Variants in OSBPL6 observed in about 807,000 individuals in gnomAD.
OSBPL6 encodes oxysterol-binding protein-related protein 6.
In OSBPL6, 49 loss-of-function variants were observed where a neutral mutation model predicts 125.8. The ratio of observed to expected loss-of-function variants is 0.39; its 90% CI spans 0.31 to 0.49. OSBPL6 has a LOEUF of 0.49. Ranked by LOEUF, OSBPL6 falls within the 20% of genes least tolerant of loss-of-function variation. OSBPL6 has a pLI of 0.88. For missense variants in OSBPL6, 986 were observed against 1,135.4 expected (o/e 0.87, Z 1.89); for synonymous variants, 394 against 391.8 (o/e 1.01, Z -0.07).
intron 15 of OSBPL6, among the ~76,000 whole-genome samples, chr2:178,381,092 A>G (rs1356804735): frequency 6.6e-6 from 1 of 152,152 alleles, no homozygotes; most frequent in African/African-American, 2.4e-5. Flanking sequence ...AAAATACAGC[A>G]TTGTTTCCAT....
At chr2:178,340,027 A>G (rs1434681001) in intron 11 of OSBPL6, among the ~76,000 whole-genome samples, 2 of 152,182 alleles carry the variant, frequency 1.3e-5, no homozygotes, top group Non-Finnish European at 2.9e-5. Context: ...ATAGCCTTTG[A>G]ACCATTAAAA....
At chr2:178,218,038 G>T (rs868123009) in intron 1 of OSBPL6, among the ~76,000 whole-genome samples, 2 of 152,250 alleles carry the variant, frequency 1.3e-5, no homozygotes, top group South Asian at 4.1e-4. Flanking sequence ...GACGTTCTTT[G>T]TACTGTTCTG....
intron 8 of OSBPL6, 62 bp downstream of exon 8, chr2:178,333,103 C>G: frequency 6.3e-7 from 1 of 1,577,032 alleles, no homozygotes; most frequent in Non-Finnish European, 8.7e-7. Flanking sequence ...CAAATTTTGG[C>G]CAGGCACTGT....
At chr2:178,305,797 G>C (rs964280804) in intron 2 of OSBPL6, among the ~76,000 whole-genome samples, 1 of 149,410 alleles carries the variant, frequency 6.7e-6, no homozygotes, top group African/African-American at 2.5e-5. Context: ...CAAGAGGAGA[G>C]AATATGACTT....
At chr2:178,204,170 C>A (rs1483741591) in intron 1 of OSBPL6, among the ~76,000 whole-genome samples, 1 of 151,972 alleles carries the variant, frequency 6.6e-6, no homozygotes, top group East Asian at 1.9e-4. Flanking sequence ...ACTACGGGTG[C>A]ATGCCACCAC....
chr2:178,343,126 T>C (rs964503308), intron 11 of OSBPL6, among the ~76,000 whole-genome samples: 1 of 152,194 alleles, frequency 6.6e-6, no homozygotes, highest in African/African-American at 2.4e-5. Context: ...AGTTTAAATA[T>C]TTTTCTGACA....
At chr2:178,194,352 G>A (rs1320746447), upstream of OSBPL6, 1 of 152,158 alleles carries the variant, frequency 6.6e-6, no homozygotes, top group African/African-American at 2.4e-5. Flanking sequence ...TGCGCAGCAT[G>A]AGCCCCAGCC....
At chr2:178,238,606 GA>G (rs770340035) in intron 1 of OSBPL6, among the ~76,000 whole-genome samples, 22 of 151,434 alleles carry the variant, frequency 1.5e-4, no homozygotes, top group East Asian at 9.7e-4. Flanking sequence ...TGGGAAGAAG[GA>G]AAAAAAAATT....
intron 1 of OSBPL6, among the ~76,000 whole-genome samples, chr2:178,256,181 T>C (rs895524678): frequency 2.2e-4 from 34 of 152,254 alleles, no homozygotes; most frequent in African/African-American, 7.5e-4. Context: ...AACAAGTTGG[T>C]GTTTAGAGAA....
At chr2:178,194,269 G>A (rs1354716879), upstream of OSBPL6, among the ~76,000 whole-genome samples, 4 of 152,298 alleles carry the variant, frequency 2.6e-5, no homozygotes, top group South Asian at 6.2e-4. Context: ...GTGGGACCCC[G>A]CGTGACCAGG....
chr2:178,226,363 G>C (rs2090562720), intron 1 of OSBPL6, among the ~76,000 whole-genome samples: 1 of 152,010 alleles, frequency 6.6e-6, no homozygotes, highest in Admixed American at 6.5e-5. Context: ...TGGTGCAGTG[G>C]GCAAGGGATG....
chr2:178,261,206 T>C (rs2092049540), intron 1 of OSBPL6, among the ~76,000 whole-genome samples: 1 of 151,386 alleles, frequency 6.6e-6, no homozygotes, highest in African/African-American at 2.4e-5. Flanking sequence ...CTATATAAAG[T>C]TTAAAACTGG....
chr2:178,245,494 G>T (rs996173592), intron 1 of OSBPL6, among the ~76,000 whole-genome samples: 2 of 152,184 alleles, frequency 1.3e-5, no homozygotes, highest in Non-Finnish European at 2.9e-5. Context: ...ATTAAGAGGA[G>T]GCTGGTGCTT....
chr2:178,337,260 T>C (rs1295799269), intron 9 of OSBPL6, among the ~76,000 whole-genome samples: 2 of 152,228 alleles, frequency 1.3e-5, no homozygotes, highest in Non-Finnish European at 2.9e-5. Flanking sequence ...AATTATTTTT[T>C]CTTATAAAAT....
At chr2:178,372,002 T>G (rs1239876930) in intron 13 of OSBPL6, 124 bp from the exon 14 acceptor site, 1 of 621,658 alleles carries the variant, frequency 1.6e-6, no homozygotes, top group African/African-American at 1.9e-5. Flanking sequence ...TGGCTCATGA[T>G]GGCTTCAAAA....
intron 1 of OSBPL6, among the ~76,000 whole-genome samples, chr2:178,257,716 G>T (rs1171705628): frequency 6.6e-6 from 1 of 152,122 alleles, no homozygotes; most frequent in Admixed American, 6.5e-5. Flanking sequence ...GGTTCAGAAA[G>T]GTTGTGACTT....
At chr2:178,359,855 C>A (rs1692163983) in intron 12 of OSBPL6, among the ~76,000 whole-genome samples, 1 of 152,180 alleles carries the variant, frequency 6.6e-6, no homozygotes, top group African/African-American at 2.4e-5. Flanking sequence ...TGGGAGGCTG[C>A]AGTGAGCAGA....
At chr2:178,294,258 A>C (rs1433921992) in intron 2 of OSBPL6, among the ~76,000 whole-genome samples, 1 of 152,178 alleles carries the variant, frequency 6.6e-6, no homozygotes, top group Non-Finnish European at 1.5e-5. Context: ...ATTATGGGTT[A>C]TACCAATTTT....
chr2:178,213,824 C>G (rs73975816), intron 1 of OSBPL6, among the ~76,000 whole-genome samples: 575 of 152,220 alleles, frequency 3.8e-3, no homozygotes, highest in African/African-American at 0.012. Context: ...CTGCATAAGG[C>G]CTTTGCACAT....
Sources: allele counts gnomAD v4.1 joint callset (sites outside exome capture counted in the v4.1 genomes callset), GRCh38; gene constraint gnomAD v4.1.1; transcripts MANE v1.5; gene names NCBI Gene and HGNC (gene_info 2026-07-23, HGNC 2026-07-21).